Variants in PTPRT observed in about 807,000 individuals in gnomAD.
PTPRT encodes the protein receptor-type tyrosine-protein phosphatase T.
A neutral mutation model predicts 176.8 loss-of-function variants in PTPRT; 56 were observed. The ratio of observed to expected loss-of-function variants is 0.32; its 90% CI spans 0.26 to 0.40. PTPRT has a LOEUF of 0.40. Among genes scored for constraint, PTPRT ranks in the 10% least tolerant of loss-of-function variants. PTPRT has a pLI of 1.00. For synonymous variants in PTPRT, 783 were observed against 739.0 expected, an observed-to-expected ratio of 1.06 and a Z score of -0.96; for missense variants, 1,540 against 1,908.2, an observed-to-expected ratio of 0.81 and a Z score of 3.60.
intron 9 of PTPRT, among the ~76,000 whole-genome samples, chr20:42,411,262 C>T (rs529300087): frequency 5.9e-5 from 9 of 151,856 alleles, no homozygotes; most frequent in East Asian, 1.9e-4. Flanking sequence ...CTGGCCAACA[C>T]GGTGAAACCC....
chr20:42,125,617 GTTT>G (rs1987816348), intron 19 of PTPRT, among the ~76,000 whole-genome samples: 1 of 152,202 alleles, frequency 6.6e-6, no homozygotes, highest in East Asian at 1.9e-4. Flanking sequence ...TACAGCTCTG[GTTT>G]CCTGTCTTTA....
At chr20:42,036,577 A>G in the PTPRT span, among the ~76,000 whole-genome samples, 1 of 152,152 alleles carries the variant, frequency 6.6e-6, no homozygotes, top group African/African-American at 2.4e-5. Context: ...CAAATAAGAT[A>G]ATGATTGGGT....
At chr20:42,374,666 G>A (rs1365897633) in intron 9 of PTPRT, among the ~76,000 whole-genome samples, 1 of 152,070 alleles carries the variant, frequency 6.6e-6, no homozygotes, top group Non-Finnish European at 1.5e-5. Flanking sequence ...TTACCAATGG[G>A]GGGAAAAGAG....
chr20:42,309,697 C>G (rs1056211365), intron 12 of PTPRT, among the ~76,000 whole-genome samples: 1 of 152,112 alleles, frequency 6.6e-6, no homozygotes, highest in East Asian at 1.9e-4. Context: ...TCATAGACAA[C>G]AAGAAACAGT....
chr20:42,199,373 C>T lies in PTPRT; in HGVS notation c.2358G>A (p.Lys786=), dbSNP rs1206589850. 8 of 1,613,744 alleles carry T rather than the reference C, an allele frequency of 5.0e-6. No homozygotes were observed. The Middle Eastern group carries it at 6.6e-4, about 133-fold the overall frequency. The part of the protein sequence containing the change: ...SYSYYLKLAK[K]QKETQSGAQR... ...GGGCTCCACTCTGGGTCTCCTTCTG[C>T]TTCTTGGCCAGCTTCCTTTGGGACA... Residue 786 remains lysine (K), a synonymous_variant, in exon 16 of 31, where the codon AAG becomes AAA. Transcript: ENST00000373187.
At position 42,080,073 on chromosome 20, in the gene PTPRT, A is replaced by G. The variant is rs1983166293; in HGVS notation, c.*806T>C. The G allele has an allele frequency of 8.6e-6, 2 of 232,896 alleles. No homozygotes were observed. Among genetic ancestry groups the G allele is most frequent in the South Asian group, 1.8e-4 (1 of 5,528 alleles). 14.4% of individuals were successfully genotyped at this position (232,896 alleles called of 1,614,324 possible). Reference sequence around the variant, plus strand: ...CAAAGAAACACAGGGGTTACATCCTACAGGTCAGCCCAAGCCCTGCCCCAG... The same window carrying G: ...CAAAGAAACACAGGGGTTACATCCTGCAGGTCAGCCCAAGCCCTGCCCCAG... On this transcript the variant is annotated 3_prime_UTR_variant, in exon 31 of 31. Coordinates refer to ENST00000373187, the MANE Select transcript of PTPRT (RefSeq NM_007050.6).
chr20:42,414,440 T>C (rs1320655113), intron 9 of PTPRT, among the ~76,000 whole-genome samples: 1 of 152,208 alleles, frequency 6.6e-6, no homozygotes, highest in Non-Finnish European at 1.5e-5. Context: ...AAATAAAAGG[T>C]ATGCCTGTTT....
chr20:42,611,213 T>A (rs2073970439), intron 7 of PTPRT, among the ~76,000 whole-genome samples: 1 of 152,216 alleles, frequency 6.6e-6, no homozygotes, highest in South Asian at 2.1e-4. Context: ...AGCATGGAAC[T>A]GTACATTTAA....
intron 1 of PTPRT, among the ~76,000 whole-genome samples, chr20:42,997,175 C>T (rs1033850610): frequency 6.6e-6 from 1 of 152,264 alleles, no homozygotes; most frequent in Non-Finnish European, 1.5e-5. Flanking sequence ...GTATCTCCCA[C>T]CCCCATTTGC....
chr20:42,274,797 G>A (rs1287268533), intron 13 of PTPRT, among the ~76,000 whole-genome samples: 4 of 152,048 alleles, frequency 2.6e-5, no homozygotes, highest in African/African-American at 9.7e-5. Context: ...AGGATTTCTT[G>A]AGCCACCTCA....
chr20:42,911,976 C>CTTTTTTTTTTTT (rs11475084), intron 1 of PTPRT, among the ~76,000 whole-genome samples: 2 of 124,322 alleles, frequency 1.6e-5, no homozygotes, highest in African/African-American at 3.0e-5. Flanking sequence ...ATCCTCTTTT[C>CTTTTTTTTTTTT]TTTTTTTTTT....
chr20:42,469,087 T>A (rs983924382), intron 8 of PTPRT, among the ~76,000 whole-genome samples: 6 of 152,190 alleles, frequency 3.9e-5, no homozygotes, highest in South Asian at 2.1e-4. Context: ...TTTTGTTTTT[T>A]TTTTCTCCTG....
At chr20:42,659,261 C>T (rs1324540650) in intron 7 of PTPRT, among the ~76,000 whole-genome samples, 7 of 152,286 alleles carry the variant, frequency 4.6e-5, no homozygotes, top group Non-Finnish European at 1.0e-4. Context: ...GCTTTAATAG[C>T]TCATCCCCAT....
chr20:42,760,073 G>A (rs531421514), intron 5 of PTPRT, among the ~76,000 whole-genome samples: 1 of 152,330 alleles, frequency 6.6e-6, no homozygotes, highest in South Asian at 2.1e-4. Context: ...GTACCTTGTG[G>A]TTGAACTACT....
chr20:42,609,242 T>G (rs2073933910), intron 7 of PTPRT, among the ~76,000 whole-genome samples: 1 of 151,794 alleles, frequency 6.6e-6, no homozygotes, highest in Admixed American at 6.6e-5. Flanking sequence ...CCGGGCTAAT[T>G]TTTGTATTTT....
At chr20:42,159,065 T>C (rs1471475868) in intron 17 of PTPRT, among the ~76,000 whole-genome samples, 1 of 151,964 alleles carries the variant, frequency 6.6e-6, no homozygotes, top group Non-Finnish European at 1.5e-5. Flanking sequence ...AGATTGCAAG[T>C]TCTTACATAT....
At chr20:42,608,947 G>A (rs2073928617) in intron 7 of PTPRT, among the ~76,000 whole-genome samples, 1 of 152,082 alleles carries the variant, frequency 6.6e-6, no homozygotes, top group Non-Finnish European at 1.5e-5. Context: ...AAAGATTTGG[G>A]GGCCATGTTT....
Position 43,002,413 on chromosome 20 carries a change from G to A in PTPRT, c.89-116481C>T, listed in dbSNP as rs557901381. On this transcript the variant is annotated intron_variant, in intron 1 of 30. Transcript: ENST00000373187. Reference sequence around the variant, plus strand: ...ATTAAAATCGATATAAAAGCTTTACGCATACTTTGTGTACTGTAAATATTT... The same window carrying A: ...ATTAAAATCGATATAAAAGCTTTACACATACTTTGTGTACTGTAAATATTT... 2.0e-5 allele frequency among the ~76,000 whole-genome samples: 3 copies of A among 152,174 alleles called. No homozygotes were observed. In the East Asian group the frequency reaches 5.8e-4, roughly 29 times the overall value.
At chr20:42,253,753 A>G (rs1409287468) in intron 13 of PTPRT, among the ~76,000 whole-genome samples, 1 of 151,326 alleles carries the variant, frequency 6.6e-6, no homozygotes, top group Non-Finnish European at 1.5e-5. Flanking sequence ...CTGACAGGAG[A>G]CTCCCTCTCC....
Sources: allele counts gnomAD v4.1 joint callset (sites outside exome capture counted in the v4.1 genomes callset), GRCh38; gene constraint gnomAD v4.1.1; transcripts MANE v1.5; gene names NCBI Gene and HGNC (gene_info 2026-07-23, HGNC 2026-07-21).